Variants in NR6A1 observed in about 807,000 individuals in gnomAD.
NR6A1 encodes retinoic acid receptor-related testis-associated receptor.
Under a neutral mutation model 59.1 loss-of-function variants are expected in NR6A1, and 7 were observed. The observed-to-expected ratio is 0.12, with a 90% CI of 0.07 to 0.22. The LOEUF (loss-of-function observed/expected upper bound fraction) is 0.22, where lower values mean the gene tolerates loss of function less well. NR6A1 is among the 10% of genes least tolerant of loss of function. The probability of loss-of-function intolerance (pLI) is 1.00; values close to 1 mark genes in which losing one functional copy is unlikely to be tolerated. For missense variants in NR6A1, 468 were observed against 611.6 expected, an observed-to-expected ratio of 0.77 and a Z score of 2.48; for synonymous variants, 243 against 236.1, an observed-to-expected ratio of 1.03 and a Z score of -0.27.
chr9:124,713,196 C>A (rs960733685), intron 2 of NR6A1, among the ~76,000 whole-genome samples: 3 of 151,780 alleles, frequency 2.0e-5, no homozygotes, highest in Non-Finnish European at 4.4e-5. Flanking sequence ...AAATAATATC[C>A]ACATGAGAAA....
chr9:124,631,617 C>CA (rs1836442909), intron 2 of NR6A1, among the ~76,000 whole-genome samples: 1 of 152,028 alleles, frequency 6.6e-6, no homozygotes, highest in Non-Finnish European at 1.5e-5. Flanking sequence ...CCCACAAAGA[C>CA]AAAAAACTAA....
At chr9:124,578,622 T>C (rs1834674438) in intron 2 of NR6A1, among the ~76,000 whole-genome samples, 1 of 152,218 alleles carries the variant, frequency 6.6e-6, no homozygotes, top group Admixed American at 6.5e-5. Flanking sequence ...TCTCATTTCA[T>C]GACCATTTAG....
At chr9:124,628,103 C>T (rs985897956) in intron 2 of NR6A1, among the ~76,000 whole-genome samples, 1 of 152,128 alleles carries the variant, frequency 6.6e-6, no homozygotes, top group Non-Finnish European at 1.5e-5. Flanking sequence ...TCTCAGCTCA[C>T]TGCAACCTCC....
intron 3 of NR6A1, among the ~76,000 whole-genome samples, chr9:124,551,864 A>C (rs1470641016): frequency 6.6e-6 from 1 of 152,228 alleles, no homozygotes; most frequent in East Asian, 1.9e-4. Flanking sequence ...CCTTACCCCC[A>C]AAATACTCCC....
intron 4 of NR6A1, among the ~76,000 whole-genome samples, chr9:124,540,849 T>C (rs1241886304): frequency 5.9e-5 from 9 of 152,106 alleles, no homozygotes; most frequent in Non-Finnish European, 2.9e-5. Flanking sequence ...TGTCATGTCC[T>C]TTGTGAGGCT....
intron 2 of NR6A1, among the ~76,000 whole-genome samples, chr9:124,696,336 G>T (rs1005833528): frequency 6.6e-6 from 1 of 152,250 alleles, no homozygotes; most frequent in East Asian, 1.9e-4. Context: ...GGAATGGAAT[G>T]AAAGGAAAGG....
At chr9:124,740,076 T>C (rs898266928) in intron 1 of NR6A1, among the ~76,000 whole-genome samples, 2 of 152,244 alleles carry the variant, frequency 1.3e-5, no homozygotes, top group Admixed American at 6.5e-5. Context: ...TTGCTTTTCA[T>C]AGCATCCTAC....
intron 2 of NR6A1, among the ~76,000 whole-genome samples, chr9:124,623,802 T>C (rs952611889): frequency 2.6e-5 from 4 of 152,226 alleles, no homozygotes; most frequent in African/African-American, 4.8e-5. Context: ...TACTTATCTC[T>C]GCTTAGACCA....
At chr9:124,537,735 T>A (rs1167268349) in intron 6 of NR6A1, among the ~76,000 whole-genome samples, 1 of 152,100 alleles carries the variant, frequency 6.6e-6, no homozygotes, top group African/African-American at 2.4e-5. Flanking sequence ...CAGGGCTTTG[T>A]GAAGGAGCCT....
chr9:124,701,211 T>C (rs1446519175), intron 2 of NR6A1, among the ~76,000 whole-genome samples: 2 of 152,236 alleles, frequency 1.3e-5, no homozygotes, highest in East Asian at 3.8e-4. Flanking sequence ...GCAAGATTTC[T>C]AGTTTCTACA....
chr9:124,649,845 A>T (rs1435862147), intron 2 of NR6A1, among the ~76,000 whole-genome samples: 5 of 152,200 alleles, frequency 3.3e-5, no homozygotes, highest in Admixed American at 1.3e-4. Context: ...ATATATTTTT[A>T]AAAATACTCA....
At chr9:124,767,287 T>C (rs1273257661) in intron 1 of NR6A1, among the ~76,000 whole-genome samples, 2 of 152,196 alleles carry the variant, frequency 1.3e-5, no homozygotes, top group Non-Finnish European at 2.9e-5. Flanking sequence ...GTGCCTTGCA[T>C]ACACCTTTTT....
intron 2 of NR6A1, among the ~76,000 whole-genome samples, chr9:124,613,515 G>T (rs1835811543): frequency 6.6e-6 from 1 of 151,890 alleles, no homozygotes; most frequent in Non-Finnish European, 1.5e-5. Flanking sequence ...ACAAAAATTA[G>T]CCAGGCATGG....
At chr9:124,739,452 T>C (rs535523961) in intron 1 of NR6A1, among the ~76,000 whole-genome samples, 1 of 152,334 alleles carries the variant, frequency 6.6e-6, no homozygotes, top group African/African-American at 2.4e-5. Context: ...CTTCTCCAAA[T>C]AGGCGTTTTG....
chr9:124,526,180 C>T (rs1832928534), intron 8 of NR6A1, among the ~76,000 whole-genome samples: 1 of 152,220 alleles, frequency 6.6e-6, no homozygotes, highest in African/African-American at 2.4e-5. Flanking sequence ...CCTCCCTATA[C>T]TGGTTTTACC....
intron 2 of NR6A1, among the ~76,000 whole-genome samples, chr9:124,702,341 CA>C (rs1039718205): frequency 5.3e-5 from 8 of 152,178 alleles, no homozygotes; most frequent in African/African-American, 1.9e-4. Context: ...CTTTTCCCAG[CA>C]TCATTTCTGG....
intron 2 of NR6A1, among the ~76,000 whole-genome samples, chr9:124,575,913 C>A (rs983980148): frequency 6.6e-6 from 1 of 152,164 alleles, no homozygotes; most frequent in Non-Finnish European, 1.5e-5. Context: ...ACCTAAAAAG[C>A]TCCTATGAGA....
intron 1 of NR6A1, among the ~76,000 whole-genome samples, chr9:124,743,128 T>C (rs1197069830): frequency 6.6e-6 from 1 of 152,248 alleles, no homozygotes; most frequent in Non-Finnish European, 1.5e-5. Flanking sequence ...TACAGCCATA[T>C]CTGCAGCCTG....
chr9:124,693,831 C>A (rs964703086), intron 2 of NR6A1: 3 of 527,074 alleles, frequency 5.7e-6, no homozygotes, highest in Non-Finnish European at 1.2e-5. Context: ...TGCAGAGAGT[C>A]GCCTGAGTGC....
Sources: gnomAD v4.1 joint callset for allele counts (sites outside exome capture counted in the v4.1 genomes callset) on GRCh38, gnomAD v4.1.1 for gene constraint, MANE v1.5 for transcripts, NCBI Gene and HGNC (gene_info 2026-07-23, HGNC 2026-07-21) for gene names.